EXOC2: variants seen among roughly 807,000 people sequenced by gnomAD.
EXOC2 encodes exocyst complex component 2.
A neutral mutation model predicts 131.8 loss-of-function variants in EXOC2; 70 were observed. That is an observed-to-expected ratio of 0.53 (90% CI 0.44 to 0.65). EXOC2 has a LOEUF of 0.65. EXOC2 is among the 30% of genes least tolerant of loss of function. The pLI is 0.00. For missense variants in EXOC2, 923 were observed against 1,108.6 expected (o/e 0.83, Z 2.38); for synonymous variants, 411 against 398.4 (o/e 1.03, Z -0.38).
intron 13 of EXOC2, among the ~76,000 whole-genome samples, chr6:572,272 A>T (rs1311942405): frequency 1.3e-5 from 2 of 152,166 alleles, no homozygotes; most frequent in East Asian, 3.8e-4. Flanking sequence ...TATCTCATTT[A>T]ATCCCTACAA....
intron 22 of EXOC2, among the ~76,000 whole-genome samples, chr6:548,255 GA>G (rs1347333276): frequency 1.3e-5 from 2 of 150,788 alleles, no homozygotes; most frequent in Admixed American, 1.3e-4. Context: ...TTCACTCTTT[GA>G]AAAAAAAATC....
chr6:545,426 G>T (rs942040188), intron 22 of EXOC2, among the ~76,000 whole-genome samples: 1 of 152,112 alleles, frequency 6.6e-6, no homozygotes, highest in Non-Finnish European at 1.5e-5. Flanking sequence ...GAAAGAATTT[G>T]GTTGGTGGCA....
intron 11 of EXOC2, among the ~76,000 whole-genome samples, chr6:587,047 C>T (rs1193264286): frequency 6.6e-6 from 1 of 152,182 alleles, no homozygotes; most frequent in African/African-American, 2.4e-5. Flanking sequence ...TATTACCTTA[C>T]ATTTATATTA....
chr6:658,670 T>TATATATATATATATATATATA (rs1332684843), intron 1 of EXOC2, among the ~76,000 whole-genome samples: 1 of 137,162 alleles, frequency 7.3e-6, no homozygotes, highest in South Asian at 2.4e-4. Flanking sequence ...TATATATTTT[T>TATATATATATATATATATATA]TTTTTTTTTA....
intron 1 of EXOC2, chr6:669,380 C>G (rs1763760909): frequency 6.6e-6 from 1 of 152,308 alleles, no homozygotes; most frequent in Admixed American, 6.5e-5. Context: ...AGGGAGTTCT[C>G]CTTTGGAGGA....
chr6:520,747 C>T (rs1434957388), intron 23 of EXOC2, among the ~76,000 whole-genome samples: 1 of 141,000 alleles, frequency 7.1e-6, no homozygotes, highest in Non-Finnish European at 1.5e-5. Context: ...CGACACTCAC[C>T]GTCCACACTC....
chr6:655,498 T>C (rs374037187), intron 1 of EXOC2, among the ~76,000 whole-genome samples: 259 of 152,362 alleles, frequency 1.7e-3, no homozygotes, highest in African/African-American at 5.9e-3. Flanking sequence ...GACATGCCTA[T>C]ATTTCCTTGA....
At position 639,659 on chromosome 6, in the gene EXOC2, G is replaced by C. The variant is rs80071610; in HGVS notation, c.-43-1798C>G. Among the ~76,000 whole-genome samples, 683 of 152,316 alleles carry C rather than the reference G, an allele frequency of 4.5e-3. 5 individuals are homozygous for C. The highest frequency in any genetic ancestry group is 7.6e-3 in the Non-Finnish European group (518 of 68,034). Reference sequence around the variant, plus strand: ...GCAAAAAGGGAAGGGCCGCTTGCTTGTCCGCCCATCACCTGTACAGCCACT... The same window carrying C: ...GCAAAAAGGGAAGGGCCGCTTGCTTCTCCGCCCATCACCTGTACAGCCACT... On this transcript the variant is annotated intron_variant, in intron 1 of 27. Coordinates refer to ENST00000230449, the MANE Select transcript of EXOC2 (RefSeq NM_018303.6).
intron 1 of EXOC2, among the ~76,000 whole-genome samples, chr6:686,580 G>A (rs1050726165): frequency 6.6e-6 from 1 of 152,156 alleles, no homozygotes; most frequent in African/African-American, 2.4e-5. Flanking sequence ...TGACAACTTA[G>A]CTCTCAGAGC....
At chr6:543,532 T>C (rs1360006396) in intron 22 of EXOC2, among the ~76,000 whole-genome samples, 2 of 152,144 alleles carry the variant, frequency 1.3e-5, no homozygotes, top group Admixed American at 6.5e-5. Flanking sequence ...TAATAATGTA[T>C]TGTGTATTTC....
chr6:592,455 A>C lies in EXOC2; in HGVS notation c.1192+14T>G. On this transcript the variant is annotated intron_variant, in intron 11 of 27. Coordinates refer to ENST00000230449, the MANE Select transcript of EXOC2 (RefSeq NM_018303.6). ...TGAAGGAATCACACAACACATTGGA[A>C]GAGAAATCCTTGCCTTTCAGATCTT... 1.9e-6 allele frequency: 3 copies of C among 1,602,708 alleles called. No homozygotes were observed. The highest frequency in any genetic ancestry group is 2.6e-6 in the Non-Finnish European group (3 of 1,170,086).
At chr6:680,821 A>C (rs1764369668) in intron 1 of EXOC2, among the ~76,000 whole-genome samples, 1 of 152,200 alleles carries the variant, frequency 6.6e-6, no homozygotes, top group Non-Finnish European at 1.5e-5. Flanking sequence ...CTCTGCCAGC[A>C]ATCTTCAGTG....
chr6:578,368 G>A (rs181005467), intron 11 of EXOC2, among the ~76,000 whole-genome samples: 21 of 152,234 alleles, frequency 1.4e-4, no homozygotes, highest in Admixed American at 1.2e-3. Flanking sequence ...AATATCTAAG[G>A]CCCTGCTCTC....
chr6:567,045 C>T (rs1371779242), intron 13 of EXOC2, among the ~76,000 whole-genome samples: 2 of 152,234 alleles, frequency 1.3e-5, no homozygotes, highest in Non-Finnish European at 2.9e-5. Context: ...AAACCTTATC[C>T]AAACCACCAC....
chr6:525,950 T>G (rs1224253557), intron 23 of EXOC2, among the ~76,000 whole-genome samples: 1 of 152,200 alleles, frequency 6.6e-6, no homozygotes, highest in Non-Finnish European at 1.5e-5. Flanking sequence ...TGTTTAGATA[T>G]ATAACAAATT....
chr6:515,257 A>G (rs1227075810), intron 23 of EXOC2, among the ~76,000 whole-genome samples: 1 of 152,224 alleles, frequency 6.6e-6, no homozygotes, highest in Non-Finnish European at 1.5e-5. Context: ...CCCCAGAAAC[A>G]AAGAAAAACA....
chr6:569,929 A>G, intron 13 of EXOC2, among the ~76,000 whole-genome samples: 1 of 152,184 alleles, frequency 6.6e-6, no homozygotes, highest in Middle Eastern at 3.2e-3. Context: ...GTAATCTGTA[A>G]GAAAGCAAAA....
chr6:645,464 T>C (rs1342386955), intron 1 of EXOC2, among the ~76,000 whole-genome samples: 1 of 152,182 alleles, frequency 6.6e-6, no homozygotes, highest in Non-Finnish European at 1.5e-5. Context: ...ATCTTCTGCT[T>C]ATCAAGAGAA....
chr6:633,187 C>A, intron 2 of EXOC2, 70 bp from the exon 3 acceptor site: 1 of 1,506,824 alleles, frequency 6.6e-7, no homozygotes, highest in South Asian at 1.2e-5. Flanking sequence ...GTGTAGATTA[C>A]ATTTTTTAAA....
Sources: allele counts gnomAD v4.1 joint callset (sites outside exome capture counted in the v4.1 genomes callset), GRCh38; gene constraint gnomAD v4.1.1; transcripts MANE v1.5; gene names NCBI Gene and HGNC (gene_info 2026-07-23, HGNC 2026-07-21).